HOXC5: variants seen among roughly 807,000 people sequenced by gnomAD.
The protein encoded by HOXC5 is homeobox C5.
A neutral mutation model predicts 20.1 loss-of-function variants in HOXC5; 19 were observed. The ratio of observed to expected loss-of-function variants is 0.94; its 90% confidence interval spans 0.66 to 1.38. The LOEUF is 1.38. Ranked by LOEUF, HOXC5 falls within the 40% of genes most tolerant of loss-of-function variation. The pLI is 0.00. For missense variants in HOXC5, 330 were observed against 300.1 expected, an observed-to-expected ratio of 1.10 and a Z score of -0.74; for synonymous variants, 124 against 117.0, an observed-to-expected ratio of 1.06 and a Z score of -0.39.
the HOXC5 span, among the ~76,000 whole-genome samples, chr12:54,024,670 A>G: frequency 6.9e-6 from 1 of 145,546 alleles, no homozygotes; most frequent in Non-Finnish European, 1.5e-5. Context: ...AGTCCCACCC[A>G]CCCTTTCCCC....
At chr12:54,020,001 T>G in the HOXC5 span, 1 of 152,182 alleles carries the variant, frequency 6.6e-6, no homozygotes, top group Admixed American at 6.5e-5. Context: ...TGGACCCCAG[T>G]GGACTCCAAC....
At chr12:54,021,571 G>C in the HOXC5 span, 1 of 152,228 alleles carries the variant, frequency 6.6e-6, no homozygotes, top group African/African-American at 2.4e-5. Flanking sequence ...GGGGTTTTCC[G>C]CTACTCTCTC....
At chr12:54,019,110 A>C in the HOXC5 span, among the ~76,000 whole-genome samples, 2 of 98,142 alleles carry the variant, frequency 2.0e-5, no homozygotes, top group South Asian at 7.3e-4. Context: ...CCCCTTTCGC[A>C]GCCATCATAA....
At chr12:54,019,579 C>T in the HOXC5 span, among the ~76,000 whole-genome samples, 1 of 152,142 alleles carries the variant, frequency 6.6e-6, no homozygotes, top group Non-Finnish European at 1.5e-5. Flanking sequence ...GGGGGGAACA[C>T]AAGTGTCCTT....
At chr12:54,034,009 G>A in intron 1 of HOXC5, 1 of 662,006 alleles carries the variant, frequency 1.5e-6, no homozygotes, top group Non-Finnish European at 2.9e-6. Context: ...TTATTGTTCG[G>A]TCCGAGCCTG....
the HOXC5 span, among the ~76,000 whole-genome samples, chr12:54,017,618 G>A: frequency 6.6e-6 from 1 of 151,814 alleles, no homozygotes; most frequent in African/African-American, 2.4e-5. Context: ...GGGCGATTGT[G>A]TTGTCCTGAT....
upstream of HOXC5, chr12:54,032,742 G>A (rs113080749): frequency 3.0e-3 from 496 of 162,926 alleles, 3 homozygotes; most frequent in Middle Eastern, 0.037. Flanking sequence ...CCCCACATAG[G>A]CACCAGGTGT....
At chr12:54,029,152 A>AG (rs1262598044), upstream of HOXC5, among the ~76,000 whole-genome samples, 2 of 151,688 alleles carry the variant, frequency 1.3e-5, no homozygotes, top group African/African-American at 2.4e-5. Context: ...AGGCGGGCTG[A>AG]GGGGGCAGGA....
chr12:54,026,324 C>G, the HOXC5 span, among the ~76,000 whole-genome samples: 1 of 152,206 alleles, frequency 6.6e-6, no homozygotes, highest in Non-Finnish European at 1.5e-5. Flanking sequence ...CCTGAAGCCT[C>G]AGCCAGCTGT....
At chr12:54,022,286 T>C in the HOXC5 span, 2 of 152,232 alleles carry the variant, frequency 1.3e-5, no homozygotes, top group East Asian at 3.9e-4. Flanking sequence ...GTCATTCTTC[T>C]CCCACACTCC....
At chr12:54,032,588 C>T (rs1182217253), upstream of HOXC5, among the ~76,000 whole-genome samples, 4 of 152,176 alleles carry the variant, frequency 2.6e-5, no homozygotes, top group Non-Finnish European at 5.9e-5. Flanking sequence ...GCACTCTGTG[C>T]GTTATAAGTG....
At chr12:54,022,057 G>A in the HOXC5 span, 1 of 152,222 alleles carries the variant, frequency 6.6e-6, no homozygotes, top group African/African-American at 2.4e-5. Flanking sequence ...CCCTGTGGTG[G>A]ACAGACTTCT....
chr12:54,028,538 C>T, upstream of HOXC5: 1 of 1,614,070 alleles, frequency 6.2e-7, no homozygotes, highest in Non-Finnish European at 8.5e-7. Flanking sequence ...TCCTACTTCA[C>T]TAACCCTTCC....
chr12:54,029,380 GCTTT>G, upstream of HOXC5, among the ~76,000 whole-genome samples: 1 of 150,710 alleles, frequency 6.6e-6, no homozygotes, highest in South Asian at 2.1e-4. Flanking sequence ...TAGACTTGCA[GCTTT>G]CTGTTTGCCT....
chr12:54,027,697 G>C, the HOXC5 span, among the ~76,000 whole-genome samples: 2 of 151,998 alleles, frequency 1.3e-5, no homozygotes, highest in African/African-American at 4.8e-5. Flanking sequence ...CCCAACAGAG[G>C]GGTCCTGAGA....
chr12:54,032,261 G>A (rs2136444519), upstream of HOXC5, among the ~76,000 whole-genome samples: 1 of 152,240 alleles, frequency 6.6e-6, no homozygotes, highest in South Asian at 2.1e-4. Flanking sequence ...ATCCCAAACA[G>A]CCTGCAACAC....
In HOXC5 at chr12:54,035,278, T is replaced by C. The variant is rs1941159022; in HGVS notation, c.*786T>C. 6.5e-6 allele frequency: 1 copy of C among 152,698 alleles called. No homozygotes were observed. Among genetic ancestry groups the C allele is most frequent in the Non-Finnish European group, 1.5e-5 (1 of 68,082 alleles). The allele number at this position is 152,698 out of a possible 1,614,324, so 9.5% of individuals were successfully genotyped here. On this transcript the variant is annotated 3_prime_UTR_variant, in exon 2 of 2. Transcript: ENST00000312492. The stretch of plus-strand genomic sequence containing the variant: ...GAATTTCTGTGCCCTCCTGACCCAT[T>C]GCTGTTGTCCAACTATTTATTGACT...
upstream of HOXC5, chr12:54,028,676 C>T: frequency 6.2e-7 from 1 of 1,614,158 alleles, no homozygotes; most frequent in Non-Finnish European, 8.5e-7. Flanking sequence ...ATCTACTCGA[C>T]TCCCTTTTAT....
chr12:54,023,064 C>A, the HOXC5 span, among the ~76,000 whole-genome samples: 1 of 152,132 alleles, frequency 6.6e-6, no homozygotes, highest in African/African-American at 2.4e-5. Flanking sequence ...CTCAAGTGTC[C>A]CTAGGCATCT....
Sources: allele counts gnomAD v4.1 joint callset (sites outside exome capture counted in the v4.1 genomes callset), GRCh38; gene constraint gnomAD v4.1.1; transcripts MANE v1.5; gene names NCBI Gene and HGNC (gene_info 2026-07-23, HGNC 2026-07-21).